TRABD2B: variants seen among roughly 807,000 people sequenced by gnomAD.
TRABD2B encodes metalloprotease TIKI2.
In TRABD2B, 14 loss-of-function variants were observed where a neutral mutation model predicts 40.1. The ratio of observed to expected loss-of-function variants is 0.35; its 90% CI spans 0.23 to 0.55. The LOEUF (loss-of-function observed/expected upper bound fraction) is 0.55. TRABD2B is among the 20% of genes least tolerant of loss of function. The pLI, the probability that TRABD2B is intolerant of heterozygous loss-of-function variation, is 0.90. For missense variants in TRABD2B, 541 were observed against 648.6 expected, an observed-to-expected ratio of 0.83 and a Z score of 1.80; for synonymous variants, 263 against 277.0, an observed-to-expected ratio of 0.95 and a Z score of 0.50.
At chr1:47,820,224 C>T (rs993077835) in intron 2 of TRABD2B, 63 of 152,216 alleles carry the variant, frequency 4.1e-4, no homozygotes, top group Middle Eastern at 3.2e-3. Context: ...CAATAAATGT[C>T]GTGTGAACAA....
intron 2 of TRABD2B, among the ~76,000 whole-genome samples, chr1:47,877,250 G>C (rs1024823720): frequency 6.6e-6 from 1 of 152,028 alleles, no homozygotes; most frequent in African/African-American, 2.4e-5. Flanking sequence ...CAAACAGCCT[G>C]TTAAGGCTGT....
chr1:47,761,622 T>C lies in TRABD2B; in HGVS notation c.*4280A>G, dbSNP rs985796414. ...TAACAATGTTCATAGAACTTGATCA[T>C]TGCAGAGCCAGGAGGGACCCTCAAT... On this transcript the variant is annotated 3_prime_UTR_variant, in exon 7 of 7. Transcript: ENST00000606738. 2 of 152,208 alleles carry C rather than the reference T, an allele frequency of 1.3e-5. No homozygotes were observed. Among genetic ancestry groups the C allele is most frequent in the Admixed American group, 1.3e-4 (2 of 15,280 alleles). 9.4% of individuals were successfully genotyped at this position (152,208 alleles called of 1,614,324 possible).
intron 2 of TRABD2B, among the ~76,000 whole-genome samples, chr1:47,808,319 G>A (rs1168705463): frequency 6.6e-6 from 1 of 152,044 alleles, no homozygotes; most frequent in African/African-American, 2.4e-5. Flanking sequence ...TGTATAAAAT[G>A]TATATACCTA....
chr1:47,956,306 G>A (rs143053455), intron 2 of TRABD2B, among the ~76,000 whole-genome samples: 213 of 152,278 alleles, frequency 1.4e-3, no homozygotes, highest in African/African-American at 5.0e-3. Flanking sequence ...CGCAGAAGAC[G>A]GGTGATTTCT....
intron 2 of TRABD2B, among the ~76,000 whole-genome samples, chr1:47,874,569 G>A (rs1331732324): frequency 1.0e-5 from 1 of 97,718 alleles, no homozygotes; most frequent in Non-Finnish European, 2.1e-5. Context: ...ACCGCGCCCG[G>A]CCTTTTTTTT....
chr1:47,875,418 G>T (rs898044366), intron 2 of TRABD2B, among the ~76,000 whole-genome samples: 2 of 151,908 alleles, frequency 1.3e-5, no homozygotes, highest in South Asian at 4.2e-4. Context: ...TGGGCGTGGT[G>T]GCTCATGCCT....
At chr1:47,952,113 C>CT (rs1645353611) in intron 2 of TRABD2B, among the ~76,000 whole-genome samples, 1 of 152,188 alleles carries the variant, frequency 6.6e-6, no homozygotes, top group African/African-American at 2.4e-5. Context: ...GAGAAGTAAG[C>CT]TACAGCCTCA....
At chr1:47,772,090 G>C (rs1569881317) in intron 6 of TRABD2B, among the ~76,000 whole-genome samples, 2 of 152,020 alleles carry the variant, frequency 1.3e-5, no homozygotes, top group South Asian at 2.1e-4. Context: ...GCCAGGGAGA[G>C]GGGGAAGGGC....
chr1:47,827,461 C>G (rs926921872), intron 2 of TRABD2B, among the ~76,000 whole-genome samples: 3 of 152,166 alleles, frequency 2.0e-5, no homozygotes, highest in Non-Finnish European at 2.9e-5. Context: ...GGACATGAAA[C>G]ATTTGGGGTG....
Position 47,766,071 on chromosome 1 carries a change from G to C in TRABD2B, c.1385C>G (p.Pro462Arg). The C allele has an allele frequency of 1.4e-6, 1 of 699,912 alleles. No individual in the cohort carries two copies. Among genetic ancestry groups the C allele is most frequent in the Non-Finnish European group, 2.6e-6 (1 of 383,440 alleles). The allele number at this position is 699,912 out of a possible 1,614,324, so 43.4% of individuals were successfully genotyped here. ...CTTGGCGGTCCCCGAGCTGTGGGTG[G>C]GCTGCAGGGGCAGCGGGGGTGGTGA... ...TASPPPLPLQ[P>R]THSSGTAKPP... Residue 462 changes from proline (P) to arginine (R), a missense_variant, in exon 7 of 7, where the codon CCC becomes CGC. Transcript: ENST00000606738.
At chr1:47,858,587 T>A (rs1380931909) in intron 2 of TRABD2B, among the ~76,000 whole-genome samples, 1 of 152,134 alleles carries the variant, frequency 6.6e-6, no homozygotes, top group African/African-American at 2.4e-5. Flanking sequence ...CCTTACAAAG[T>A]GAAATTTATT....
chr1:47,888,125 C>T (rs778192535), intron 2 of TRABD2B, among the ~76,000 whole-genome samples: 7 of 152,222 alleles, frequency 4.6e-5, no homozygotes, highest in African/African-American at 7.2e-5. Flanking sequence ...TGTCCCCAGA[C>T]GGCTGGGGAG....
chr1:47,820,275 C>T (rs1570039950), intron 2 of TRABD2B: 1 of 152,218 alleles, frequency 6.6e-6, no homozygotes, highest in South Asian at 2.1e-4. Context: ...GTTACCAGTC[C>T]CAGGCCCTCC....
chr1:47,971,108 CA>C (rs1645675993), intron 2 of TRABD2B, among the ~76,000 whole-genome samples: 1 of 152,216 alleles, frequency 6.6e-6, no homozygotes, highest in African/African-American at 2.4e-5. Context: ...TAAAAGAAAT[CA>C]GGCTTGGAAA....
chr1:47,874,130 A>T (rs1434739497), intron 2 of TRABD2B, among the ~76,000 whole-genome samples: 1 of 152,174 alleles, frequency 6.6e-6, no homozygotes, highest in Non-Finnish European at 1.5e-5. Flanking sequence ...GCAAGGGGTA[A>T]GTGGGTGAAT....
chr1:47,839,056 A>C (rs1354313398), intron 2 of TRABD2B, among the ~76,000 whole-genome samples: 5 of 152,170 alleles, frequency 3.3e-5, no homozygotes, highest in Non-Finnish European at 7.3e-5. Context: ...GTGATAAGCC[A>C]CACCCTTGGC....
intron 2 of TRABD2B, among the ~76,000 whole-genome samples, chr1:47,950,525 G>A (rs1192375026): frequency 6.6e-6 from 1 of 152,158 alleles, no homozygotes; most frequent in African/African-American, 2.4e-5. Flanking sequence ...AAAAGACAAG[G>A]GAGATGATGA....
intron 2 of TRABD2B, among the ~76,000 whole-genome samples, chr1:47,988,061 TAGATCTGACAAG>T (rs1645946852): frequency 6.6e-6 from 1 of 152,030 alleles, no homozygotes; most frequent in Admixed American, 6.5e-5. Context: ...GGAGCGCACA[TAGATCTGACAAG>T]AGATCTGACA....
At chr1:47,978,382 A>C (rs1159742856) in intron 2 of TRABD2B, among the ~76,000 whole-genome samples, 1 of 152,232 alleles carries the variant, frequency 6.6e-6, no homozygotes, top group Admixed American at 6.5e-5. Context: ...TAGCAACATG[A>C]ACAGACTAAG....
Sources: allele counts gnomAD v4.1 joint callset (sites outside exome capture counted in the v4.1 genomes callset), GRCh38; gene constraint gnomAD v4.1.1; transcripts MANE v1.5; gene names NCBI Gene and HGNC (gene_info 2026-07-23, HGNC 2026-07-21).